The following FAM110B variants were observed in gnomAD, a reference collection of about 807,000 sequenced individuals.
FAM110B encodes family with sequence similarity 110 member B.
FAM110B carries 6 observed loss-of-function variants against 20.4 expected under a neutral mutation model. That is an observed-to-expected ratio of 0.29 (90% CI 0.16 to 0.58). The LOEUF (loss-of-function observed/expected upper bound fraction) is 0.58, where lower values mean the gene tolerates loss of function less well. Among genes scored for constraint, FAM110B ranks in the 20% least tolerant of loss-of-function variants. The pLI is 0.90. For missense variants in FAM110B, 434 were observed against 498.2 expected, an observed-to-expected ratio of 0.87 and a Z score of 1.23; for synonymous variants, 226 against 214.1, an observed-to-expected ratio of 1.06 and a Z score of -0.49.
At chr8:58,000,355 T>C (rs1804268501) in intron 1 of FAM110B, among the ~76,000 whole-genome samples, 1 of 152,228 alleles carries the variant, frequency 6.6e-6, no homozygotes, top group African/African-American at 2.4e-5. Context: ...TTATGTTACT[T>C]ATGATATCAC....
At chr8:58,019,336 CAAAAAAAAAAA>C (rs61622368) in intron 1 of FAM110B, among the ~76,000 whole-genome samples, 4 of 78,374 alleles carry the variant, frequency 5.1e-5, no homozygotes, top group African/African-American at 2.1e-4. Flanking sequence ...GACTCTGTCT[CAAAAAAAAAAA>C]AAAAAAAAAA....
chr8:58,031,178 A>G (rs1034754832), intron 1 of FAM110B, among the ~76,000 whole-genome samples: 2 of 152,160 alleles, frequency 1.3e-5, no homozygotes, highest in African/African-American at 4.8e-5. Flanking sequence ...TCCCTTTGCA[A>G]ATATTAACGA....
At chr8:58,005,728 G>T (rs541810088) in intron 1 of FAM110B, among the ~76,000 whole-genome samples, 2 of 152,282 alleles carry the variant, frequency 1.3e-5, no homozygotes, top group South Asian at 4.1e-4. Flanking sequence ...CCAAGTCTGA[G>T]TCTCCATTTT....
At chr8:58,013,596 G>A (rs891503575) in intron 1 of FAM110B, among the ~76,000 whole-genome samples, 2 of 152,164 alleles carry the variant, frequency 1.3e-5, no homozygotes, top group African/African-American at 4.8e-5. Flanking sequence ...AATAAAGTGG[G>A]CCCTCTGTTG....
At chr8:58,023,956 T>G (rs1336985026) in intron 1 of FAM110B, among the ~76,000 whole-genome samples, 1 of 152,210 alleles carries the variant, frequency 6.6e-6, no homozygotes, top group African/African-American at 2.4e-5. Flanking sequence ...ATCTTTAATT[T>G]GCAACCAAGT....
intron 3 of FAM110B, among the ~76,000 whole-genome samples, chr8:58,084,533 G>A (rs1202973618): frequency 6.6e-6 from 1 of 151,978 alleles, no homozygotes; most frequent in African/African-American, 2.4e-5. Flanking sequence ...GGGACTACAG[G>A]CACTCGCCAC....
At chr8:58,077,217 T>C (rs1806059183) in intron 3 of FAM110B, 1 of 152,222 alleles carries the variant, frequency 6.6e-6, no homozygotes, top group East Asian at 1.9e-4. Context: ...GAGCTGAGGT[T>C]GTAGAACTGT....
intron 1 of FAM110B, among the ~76,000 whole-genome samples, chr8:57,999,843 G>A (rs1804257437): frequency 6.6e-6 from 1 of 152,168 alleles, no homozygotes; most frequent in Admixed American, 6.5e-5. Flanking sequence ...GGGCTTTACT[G>A]AGGACTTTAG....
intron 2 of FAM110B, among the ~76,000 whole-genome samples, chr8:58,059,377 G>A (rs1192390006): frequency 6.6e-6 from 1 of 152,178 alleles, no homozygotes; most frequent in East Asian, 1.9e-4. Flanking sequence ...TTTCCCATTA[G>A]CAGTGTGTGG....
At chr8:58,088,270 A>G (rs747408686) in intron 3 of FAM110B, among the ~76,000 whole-genome samples, 1 of 152,262 alleles carries the variant, frequency 6.6e-6, no homozygotes, top group South Asian at 2.1e-4. Context: ...CTTCATTCAT[A>G]TATATATTCA....
chr8:58,059,250 T>C (rs540373593), intron 2 of FAM110B, among the ~76,000 whole-genome samples: 1 of 152,342 alleles, frequency 6.6e-6, no homozygotes, highest in Admixed American at 6.5e-5. Flanking sequence ...TAAATATTGT[T>C]GAATAAGTCT....
intron 3 of FAM110B, among the ~76,000 whole-genome samples, chr8:58,128,888 G>C (rs1807578933): frequency 6.6e-6 from 1 of 151,972 alleles, no homozygotes; most frequent in Non-Finnish European, 1.5e-5. Context: ...TTTCTTTTGT[G>C]GTCAGTTTTA....
intron 3 of FAM110B, among the ~76,000 whole-genome samples, chr8:58,094,819 G>T (rs763309934): frequency 1.3e-5 from 2 of 152,164 alleles, no homozygotes; most frequent in Non-Finnish European, 2.9e-5. Flanking sequence ...GTTTCACAAG[G>T]AATGGTACCA....
At chr8:58,126,659 T>C (rs982127567) in intron 3 of FAM110B, among the ~76,000 whole-genome samples, 3 of 152,206 alleles carry the variant, frequency 2.0e-5, no homozygotes, top group African/African-American at 7.2e-5. Flanking sequence ...TTTAATGTCT[T>C]ATAATGTTGA....
At chr8:58,099,186 A>G (rs1806716136) in intron 3 of FAM110B, 1 of 152,194 alleles carries the variant, frequency 6.6e-6, no homozygotes. Flanking sequence ...ATAAACTGTG[A>G]TGTACTAAAA....
chr8:58,091,705 A>T (rs756645036), intron 3 of FAM110B: 1 of 152,156 alleles, frequency 6.6e-6, no homozygotes, highest in Non-Finnish European at 1.5e-5. Flanking sequence ...TTCTTATAAA[A>T]ATACGATCCT....
chr8:58,072,132 C>T (rs997280991), intron 2 of FAM110B, among the ~76,000 whole-genome samples: 1 of 152,190 alleles, frequency 6.6e-6, no homozygotes, highest in Non-Finnish European at 1.5e-5. Context: ...ATCTCGCTCT[C>T]TGTGTGTCTC....
chr8:58,049,048 A>G (rs1420938372), intron 2 of FAM110B, among the ~76,000 whole-genome samples: 1 of 152,218 alleles, frequency 6.6e-6, no homozygotes, highest in Non-Finnish European at 1.5e-5. Context: ...TTCTTAAACT[A>G]TAATGGTGAT....
chr8:58,142,563 A>G (rs1329372157), intron 3 of FAM110B, among the ~76,000 whole-genome samples: 2 of 65,982 alleles, frequency 3.0e-5, no homozygotes, highest in African/African-American at 1.1e-4. Flanking sequence ...GACCCCTGCC[A>G]CCATCACCCC....
Sources: gnomAD v4.1 joint callset for allele counts (sites outside exome capture counted in the v4.1 genomes callset) on GRCh38, gnomAD v4.1.1 for gene constraint, MANE v1.5 for transcripts, NCBI Gene and HGNC (gene_info 2026-07-23, HGNC 2026-07-21) for gene names.